Variants in TCF7L1 observed in about 807,000 individuals in gnomAD.
The protein encoded by TCF7L1 is transcription factor 7 like 1.
TCF7L1 carries 18 observed loss-of-function variants against 63.7 expected under a neutral mutation model. The ratio of observed to expected loss-of-function variants is 0.28; its 90% confidence interval spans 0.20 to 0.42. The LOEUF is 0.42. Among genes scored for constraint, TCF7L1 ranks in the 10% least tolerant of loss-of-function variants. The pLI is 1.00. For missense variants in TCF7L1, 654 were observed against 779.3 expected (o/e 0.84, Z 1.91); for synonymous variants, 355 against 340.9 (o/e 1.04, Z -0.46).
Position 85,304,285 on chromosome 2 carries a change from C to A in TCF7L1, c.792C>A (p.Pro264=), listed in dbSNP as rs370626161. Reference sequence around the variant, plus strand: ...GCCAGCCCATGTACTCCCTTCCTCCCGGTGGCTTCCGGCACCCTTACCCCG... The same window carrying A: ...GCCAGCCCATGTACTCCCTTCCTCCAGGTGGCTTCCGGCACCCTTACCCCG... The part of the protein sequence containing the change: ...QQGQPMYSLP[P]GGFRHPYPAL... Residue 264 remains proline (P), a synonymous_variant, in exon 7 of 12, where the codon CCC becomes CCA. Transcript: ENST00000282111. 3.1e-6 allele frequency: 5 copies of A among 1,613,962 alleles called. No homozygotes were observed. The African/African-American group carries it at 6.7e-5, about 22-fold the overall frequency.
intron 3 of TCF7L1, among the ~76,000 whole-genome samples, chr2:85,244,545 G>A (rs142000067): frequency 6.6e-6 from 1 of 152,182 alleles, no homozygotes; most frequent in Non-Finnish European, 1.5e-5. Context: ...CCTGGGCAGT[G>A]GGAAAGAAGA....
chr2:85,164,018 T>C (rs1678352901), intron 3 of TCF7L1, among the ~76,000 whole-genome samples: 1 of 152,180 alleles, frequency 6.6e-6, no homozygotes, highest in South Asian at 2.1e-4. Context: ...AACATAACTT[T>C]TTTTGTTGGG....
At chr2:85,219,629 C>G (rs1679799461) in intron 3 of TCF7L1, among the ~76,000 whole-genome samples, 1 of 152,110 alleles carries the variant, frequency 6.6e-6, no homozygotes, top group South Asian at 2.1e-4. Context: ...CCTATAATCC[C>G]AGCACTTTGG....
chr2:85,297,787 A>G (rs79440006), intron 4 of TCF7L1, among the ~76,000 whole-genome samples: 8 of 151,830 alleles, frequency 5.3e-5, no homozygotes, highest in African/African-American at 1.7e-4. Context: ...CTGTGTCTCC[A>G]AAAAAAAGTC....
chr2:85,158,454 G>A (rs1678202980), intron 3 of TCF7L1, among the ~76,000 whole-genome samples: 1 of 152,122 alleles, frequency 6.6e-6, no homozygotes, highest in Non-Finnish European at 1.5e-5. Flanking sequence ...CTTATTCAAT[G>A]TATTTTGTCT....
At chr2:85,155,274 G>A (rs1678117797) in intron 3 of TCF7L1, among the ~76,000 whole-genome samples, 1 of 152,166 alleles carries the variant, frequency 6.6e-6, no homozygotes, top group Non-Finnish European at 1.5e-5. Flanking sequence ...TCTGTAAAAT[G>A]GACCAATCAG....
intron 3 of TCF7L1, among the ~76,000 whole-genome samples, chr2:85,191,955 C>A (rs1679045133): frequency 6.6e-6 from 1 of 152,192 alleles, no homozygotes; most frequent in African/African-American, 2.4e-5. Flanking sequence ...AAATTTAACT[C>A]CAGGTCACCA....
At position 85,144,003 on chromosome 2, in the gene TCF7L1, G is replaced by A. The variant is rs756152142; in HGVS notation, c.441+9553G>A. 2.6e-5 allele frequency among the ~76,000 whole-genome samples: 4 copies of A among 152,140 alleles called. No homozygotes were observed. The East Asian group carries it at 5.8e-4, about 22-fold the overall frequency. On this transcript the variant is annotated intron_variant, in intron 3 of 11. Coordinates refer to ENST00000282111, the MANE Select transcript of TCF7L1 (RefSeq NM_031283.3). Reference sequence around the variant, plus strand: ...AACATTTGACCTGTTTGGAAATTGGGGATTGTTTTTCCTCATTGAAATTGG... The same window carrying A: ...AACATTTGACCTGTTTGGAAATTGGAGATTGTTTTTCCTCATTGAAATTGG...
rs1374772140 is a variant in TCF7L1, at chr2:85,134,189, G to A, written c.313+110G>A. 6.7e-7 allele frequency: 1 copy of A among 1,501,314 alleles called. No homozygotes were observed. Among genetic ancestry groups the A allele is most frequent in the Non-Finnish European group, 8.9e-7 (1 of 1,121,856 alleles). The allele number at this position is 1,501,314 out of a possible 1,614,324, so 93.0% of individuals were successfully genotyped here. A position where few individuals can be genotyped will look rare whatever the true frequency, so the allele number is the denominator to read the frequency against. On this transcript the variant is annotated intron_variant, in intron 2 of 11. Coordinates refer to ENST00000282111, the MANE Select transcript of TCF7L1 (RefSeq NM_031283.3). This position sits in a 1 kb window ranked among gnomAD's most constrained non-coding sequence, Gnocchi z 5.0. ...TTGGGTGGACGCACCCTTGCCCTCC[G>A]CCTTTATTGGCGGCAGCCCCCGTGG...
intron 3 of TCF7L1, among the ~76,000 whole-genome samples, chr2:85,254,387 GC>G (rs1680658831): frequency 6.6e-6 from 1 of 152,246 alleles, no homozygotes. Flanking sequence ...TGGCAAGGGG[GC>G]TCCCTGGACG....
At chr2:85,144,562 A>C (rs1677823694) in intron 3 of TCF7L1, among the ~76,000 whole-genome samples, 1 of 152,012 alleles carries the variant, frequency 6.6e-6, no homozygotes, top group African/African-American at 2.4e-5. Flanking sequence ...AGATTACCCC[A>C]CTGTACTCCA....
intron 3 of TCF7L1, among the ~76,000 whole-genome samples, chr2:85,280,295 C>T (rs1322570159): frequency 6.6e-6 from 1 of 152,114 alleles, no homozygotes; most frequent in African/African-American, 2.4e-5. Context: ...TCCAGGACAG[C>T]CCACCACCCC....
intron 3 of TCF7L1, among the ~76,000 whole-genome samples, chr2:85,176,231 C>T (rs541298109): frequency 3.3e-5 from 5 of 150,218 alleles, no homozygotes; most frequent in Admixed American, 3.3e-4. Context: ...AGTCCAGGCC[C>T]TGGGACATCT....
chr2:85,228,006 A>G (rs1679995616), intron 3 of TCF7L1, among the ~76,000 whole-genome samples: 2 of 151,802 alleles, frequency 1.3e-5, no homozygotes, highest in South Asian at 4.2e-4. Flanking sequence ...AAAAAAAAAA[A>G]AAAAAAAAAA....
At chr2:85,191,010 C>G (rs1441180699) in intron 3 of TCF7L1, among the ~76,000 whole-genome samples, 1 of 151,368 alleles carries the variant, frequency 6.6e-6, no homozygotes, top group African/African-American at 2.4e-5. Flanking sequence ...ACTGAGTTAT[C>G]TTTATAATTT....
At chr2:85,232,141 T>A (rs376325806) in intron 3 of TCF7L1, among the ~76,000 whole-genome samples, 61 of 152,294 alleles carry the variant, frequency 4.0e-4, no homozygotes, top group African/African-American at 1.4e-3. Flanking sequence ...GGGTCAGGGC[T>A]GAGTAGCTGC....
intron 3 of TCF7L1, among the ~76,000 whole-genome samples, chr2:85,214,132 C>G (rs1007065208): frequency 6.6e-6 from 1 of 152,226 alleles, no homozygotes; most frequent in Non-Finnish European, 1.5e-5. Context: ...CATCCTCCCC[C>G]TCCCGTGAAG....
intron 3 of TCF7L1, among the ~76,000 whole-genome samples, chr2:85,268,712 G>T (rs530899228): frequency 1.6e-4 from 25 of 151,750 alleles, no homozygotes; most frequent in African/African-American, 5.6e-4. Context: ...AAAGTGCTGG[G>T]ATTACAGGCG....
chr2:85,238,363 C>T (rs1476698463), intron 3 of TCF7L1, among the ~76,000 whole-genome samples: 1 of 152,112 alleles, frequency 6.6e-6, no homozygotes, highest in East Asian at 1.9e-4. Flanking sequence ...GGGGGAAGGG[C>T]ACAAGCAAAC....
Sources: gnomAD v4.1 joint callset for allele counts (sites outside exome capture counted in the v4.1 genomes callset) on GRCh38, gnomAD v4.1.1 for gene constraint, Gnocchi (gnomAD v3.1) non-coding constraint, MANE v1.5 for transcripts, NCBI Gene and HGNC (gene_info 2026-07-23, HGNC 2026-07-21) for gene names.